The following DAB1 variants were observed in gnomAD, a reference collection of about 807,000 sequenced individuals.
The protein encoded by DAB1 is DAB adaptor protein 1, also known as disabled homolog 1.
In DAB1, 15 loss-of-function variants were observed where a neutral mutation model predicts 64.6. The observed-to-expected ratio is 0.23, with a 90% CI of 0.16 to 0.36. The LOEUF (loss-of-function observed/expected upper bound fraction) is 0.36. DAB1 is among the 10% of genes least tolerant of loss of function. The pLI is 1.00. For missense variants in DAB1, 596 were observed against 706.7 expected (o/e 0.84, Z 1.78); for synonymous variants, 235 against 251.9 (o/e 0.93, Z 0.64).
At chr1:57,609,189 T>C (rs181749838) in intron 7 of DAB1, among the ~76,000 whole-genome samples, 221 of 152,030 alleles carry the variant, frequency 1.5e-3, no homozygotes, top group African/African-American at 5.0e-3. Context: ...CAGTCAGTTC[T>C]CCGTATCTGT....
At chr1:58,366,513 G>A (rs2100530597) in intron 3 of DAB1, among the ~76,000 whole-genome samples, 1 of 152,318 alleles carries the variant, frequency 6.6e-6, no homozygotes, top group Admixed American at 6.5e-5. Flanking sequence ...CAAAGACTTT[G>A]ATATGGCTCT....
intron 5 of DAB1, among the ~76,000 whole-genome samples, chr1:57,907,992 A>G (rs896426506): frequency 2.0e-5 from 3 of 151,888 alleles, no homozygotes; most frequent in Admixed American, 1.3e-4. Context: ...ATTACTAAAT[A>G]TAAGTCCTCT....
intron 7 of DAB1, among the ~76,000 whole-genome samples, chr1:57,554,304 C>G (rs1490446113): frequency 6.6e-6 from 1 of 152,234 alleles, no homozygotes; most frequent in African/African-American, 2.4e-5. Context: ...CACTCTGCCA[C>G]TTAATAGCTG....
intron 7 of DAB1, among the ~76,000 whole-genome samples, chr1:57,562,212 A>T (rs1645060656): frequency 6.6e-6 from 1 of 152,162 alleles, no homozygotes; most frequent in African/African-American, 2.4e-5. Context: ...ATCTCTACTA[A>T]AAATACAAAA....
chr1:57,819,899 C>A (rs900705596), intron 6 of DAB1, among the ~76,000 whole-genome samples: 2 of 152,184 alleles, frequency 1.3e-5, no homozygotes, highest in Non-Finnish European at 2.9e-5. Flanking sequence ...TATAACTCAC[C>A]TCCTAAACTC....
At chr1:57,765,032 A>C (rs947029842) in intron 6 of DAB1, among the ~76,000 whole-genome samples, 4 of 152,204 alleles carry the variant, frequency 2.6e-5, no homozygotes, top group African/African-American at 4.8e-5. Flanking sequence ...TTTACACAAC[A>C]AATTAGTAAC....
intron 7 of DAB1, among the ~76,000 whole-genome samples, chr1:57,545,911 A>C (rs1409161949): frequency 6.6e-6 from 1 of 152,190 alleles, no homozygotes; most frequent in Non-Finnish European, 1.5e-5. Flanking sequence ...ACCTAGAGGA[A>C]TACTCCAGAA....
intron 4 of DAB1, among the ~76,000 whole-genome samples, chr1:58,178,499 T>C (rs911071761): frequency 6.6e-5 from 10 of 152,086 alleles, no homozygotes; most frequent in African/African-American, 1.4e-4. Flanking sequence ...GCCTTTTAAA[T>C]AGAAAAATTG....
At chr1:57,562,930 C>T (rs1645070051) in intron 7 of DAB1, among the ~76,000 whole-genome samples, 1 of 152,270 alleles carries the variant, frequency 6.6e-6, no homozygotes, top group East Asian at 1.9e-4. Context: ...CAGTCTGCTA[C>T]TCTACAACGG....
chr1:58,041,017 G>A (rs111852999), intron 5 of DAB1, among the ~76,000 whole-genome samples: 3,176 of 152,220 alleles, frequency 0.021, 85 homozygotes, highest in African/African-American at 0.063. Context: ...TTACAGTTCC[G>A]TAAACAGCTA....
intron 4 of DAB1, among the ~76,000 whole-genome samples, chr1:58,300,581 AAAGAAAGAAAGAAAG>A (rs1472953746): frequency 4.9e-5 from 1 of 20,482 alleles, no homozygotes; most frequent in Non-Finnish European, 1.1e-4. Context: ...AGAAAGAAAG[AAAGAAAGAAAGAAAG>A]AAAGAAAGAA....
intron 1 of DAB1, among the ~76,000 whole-genome samples, chr1:58,537,077 T>G (rs907974460): frequency 6.6e-6 from 1 of 151,634 alleles, no homozygotes. Flanking sequence ...TCTCTCTCTC[T>G]CTCTCTCTGT....
intron 2 of DAB1, among the ~76,000 whole-genome samples, chr1:57,212,649 G>A (rs1207535593): frequency 6.6e-6 from 1 of 151,996 alleles, no homozygotes; most frequent in African/African-American, 2.4e-5. Context: ...TTACAGGTGT[G>A]AGCCACCGCG....
intron 6 of DAB1, among the ~76,000 whole-genome samples, chr1:57,696,207 G>A (rs936237568): frequency 2.0e-5 from 3 of 152,034 alleles, no homozygotes; most frequent in Non-Finnish European, 2.9e-5. Context: ...CTTTTGCATT[G>A]TTGAATCCCC....
chr1:57,119,599 T>C (rs542237933), intron 4 of DAB1, among the ~76,000 whole-genome samples: 1 of 152,294 alleles, frequency 6.6e-6, no homozygotes, highest in African/African-American at 2.4e-5. Context: ...CCAAAGACTC[T>C]TGAATGGGAA....
At chr1:57,085,492 G>A (rs1263005364) in intron 4 of DAB1, among the ~76,000 whole-genome samples, 1 of 152,236 alleles carries the variant, frequency 6.6e-6, no homozygotes, top group East Asian at 1.9e-4. Context: ...TGGGGCATCT[G>A]CCTTGATCCA....
At chr1:57,300,941 T>C (rs1385165169) in intron 1 of DAB1, among the ~76,000 whole-genome samples, 1 of 151,758 alleles carries the variant, frequency 6.6e-6, no homozygotes, top group Admixed American at 6.6e-5. Context: ...AGGGGAGCAA[T>C]TGATACAGTT....
intron 2 of DAB1, among the ~76,000 whole-genome samples, chr1:57,145,906 C>G (rs1659078905): frequency 6.6e-6 from 1 of 152,174 alleles, no homozygotes; most frequent in African/African-American, 2.4e-5. Context: ...ATTCCATGAG[C>G]TCTTTCACAG....
intron 6 of DAB1, among the ~76,000 whole-genome samples, chr1:57,727,142 T>C (rs1254088873): frequency 2.0e-5 from 3 of 152,196 alleles, no homozygotes; most frequent in Non-Finnish European, 4.4e-5. Flanking sequence ...AATTCAACTT[T>C]GAAATCCAGA....
Sources: allele counts gnomAD v4.1 joint callset (sites outside exome capture counted in the v4.1 genomes callset), GRCh38; gene constraint gnomAD v4.1.1; transcripts MANE v1.5; gene names NCBI Gene and HGNC (gene_info 2026-07-23, HGNC 2026-07-21).